The following UGT1A10 variants were observed in gnomAD, a reference collection of about 807,000 sequenced individuals.
UGT1A10 encodes UDP-glucuronosyltransferase 1A10.
UGT1A10 carries 49 observed loss-of-function variants against 45.8 expected under a neutral mutation model. The ratio of observed to expected loss-of-function variants is 1.07; its 90% CI spans 0.85 to 1.36. UGT1A10 has a LOEUF of 1.36. Ranked by LOEUF, UGT1A10 falls within the 40% of genes most tolerant of loss-of-function variation. The probability of loss-of-function intolerance (pLI) is 0.00; values close to 1 mark genes in which losing one functional copy is unlikely to be tolerated. For missense variants in UGT1A10, 745 were observed against 668.6 expected (o/e 1.11, Z -1.26); for synonymous variants, 284 against 249.7 (o/e 1.14, Z -1.29).
At chr2:233,678,991 T>C (rs945437915) in intron 1 of UGT1A10, among the ~76,000 whole-genome samples, 1 of 152,232 alleles carries the variant, frequency 6.6e-6, no homozygotes, top group Non-Finnish European at 1.5e-5. Context: ...GCTCTTTCTA[T>C]AATAACAGTG....
At chr2:233,757,745 C>T (rs1696711859) in intron 1 of UGT1A10, among the ~76,000 whole-genome samples, 1 of 151,332 alleles carries the variant, frequency 6.6e-6, no homozygotes. Context: ...GGGCACTGGA[C>T]ATGTTTATGT....
chr2:233,740,052 T>C (rs368597738), intron 1 of UGT1A10, among the ~76,000 whole-genome samples: 5 of 151,870 alleles, frequency 3.3e-5, no homozygotes, highest in African/African-American at 1.2e-4. Context: ...CTTTCTCCTT[T>C]ACTCACAAGC....
In UGT1A10 at chr2:233,729,406, C is replaced by T. The variant is rs761312102; in HGVS notation, c.856-37628C>T. 2.5e-6 allele frequency: 4 copies of T among 1,613,662 alleles called. No individual in the cohort carries two copies. The East Asian group carries it at 6.7e-5, about 27-fold the overall frequency. ...CCAGGATGAATTTGATCGCCATGTG[C>T]TGGGCCACACTCAACTGTACTTTGA... On this transcript the variant is annotated intron_variant, in intron 1 of 4. Coordinates refer to ENST00000344644, the MANE Select transcript of UGT1A10 (RefSeq NM_019075.4).
chr2:233,727,225 C>G (rs1417750017), intron 1 of UGT1A10, among the ~76,000 whole-genome samples: 1 of 152,168 alleles, frequency 6.6e-6, no homozygotes, highest in Non-Finnish European at 1.5e-5. Context: ...TCCACATATG[C>G]GGATGGCTCC....
chr2:233,772,368 G>C lies in UGT1A10; in HGVS notation c.1402G>C (p.Ala468Pro). Reference protein sequence around the residue: ...WVEFVMRHKGAPHLRPAAHDL... With the variant: ...WVEFVMRHKGPPHLRPAAHDL... Reference sequence around the variant, plus strand: ...GGAGTTTGTGATGAGGCACAAGGGCGCGCCACACCTGCGCCCCGCAGCCCA... The same window carrying C: ...GGAGTTTGTGATGAGGCACAAGGGCCCGCCACACCTGCGCCCCGCAGCCCA... Residue 468 changes from alanine (A) to proline (P), a missense_variant, in exon 5 of 5, where the codon GCG (alanine) becomes CCG (proline). Coordinates refer to ENST00000344644, the MANE Select transcript of UGT1A10 (RefSeq NM_019075.4). 6.2e-7 allele frequency: 1 copy of C among 1,614,220 alleles called. No homozygotes were observed. The highest frequency in any genetic ancestry group is 1.1e-5 in the South Asian group (1 of 91,078).
chr2:233,720,530 C>T (rs753695655), intron 1 of UGT1A10, among the ~76,000 whole-genome samples: 4 of 152,090 alleles, frequency 2.6e-5, no homozygotes, highest in Non-Finnish European at 5.9e-5. Context: ...TCACCAAACT[C>T]ACCCTATCCC....
At chr2:233,734,012 C>T (rs930293751) in intron 1 of UGT1A10, among the ~76,000 whole-genome samples, 5 of 151,904 alleles carry the variant, frequency 3.3e-5, no homozygotes, top group East Asian at 1.9e-4. Flanking sequence ...TGTTAAATGA[C>T]GAGTTAATGG....
chr2:233,764,474 A>G (rs1415490690), intron 1 of UGT1A10, among the ~76,000 whole-genome samples: 1 of 152,114 alleles, frequency 6.6e-6, no homozygotes, highest in East Asian at 1.9e-4. Context: ...CTGCTATTTA[A>G]CTTCGAATGT....
chr2:233,713,346 AAT>A (rs1283931554), intron 1 of UGT1A10: 3 of 1,614,220 alleles, frequency 1.9e-6, no homozygotes, highest in Non-Finnish European at 2.5e-6. Flanking sequence ...AATTATGAAC[AAT>A]ATGTCTTTGA....
At position 233,649,231 on chromosome 2, in the gene UGT1A10, G is replaced by C. The variant is rs139974672; in HGVS notation, c.855+11854G>C. Among the ~76,000 whole-genome samples, 542 of 152,254 alleles carry C rather than the reference G, an allele frequency of 3.6e-3. 12 individuals carry two copies. The highest frequency in any genetic ancestry group is 5.0e-3 in the East Asian group (26 of 5,188). On this transcript the variant is annotated intron_variant, in intron 1 of 4. Transcript: ENST00000344644. ...GTTAATATGTATGTGTATACGATTG[G>C]TTAATTGCTCATAATTTCCACTGCA...
At chr2:233,718,734 T>C (rs2076679363) in intron 1 of UGT1A10, 3 of 1,611,626 alleles carry the variant, frequency 1.9e-6, no homozygotes, top group Non-Finnish European at 2.5e-6. Context: ...GCTAGGTGGC[T>C]CAATGACAAG....
chr2:233,666,428 T>A (rs1171013271), intron 1 of UGT1A10, among the ~76,000 whole-genome samples: 2 of 152,340 alleles, frequency 1.3e-5, no homozygotes, highest in East Asian at 3.9e-4. Context: ...TTTAGTTTGA[T>A]TACCCTAATC....
chr2:233,718,896 G>T (rs763201473), intron 1 of UGT1A10: 1 of 1,614,046 alleles, frequency 6.2e-7, no homozygotes, highest in Non-Finnish European at 8.5e-7. Context: ...CCAGCCCTGG[G>T]CTGAGAGTGG....
intron 1 of UGT1A10, among the ~76,000 whole-genome samples, chr2:233,737,452 T>A (rs1303552589): frequency 6.6e-6 from 1 of 152,148 alleles, no homozygotes; most frequent in Non-Finnish European, 1.5e-5. Flanking sequence ...TTTTTCCAGG[T>A]ACAGTCTGTC....
chr2:233,763,154 G>A (rs1698249397), intron 1 of UGT1A10, among the ~76,000 whole-genome samples: 1 of 152,232 alleles, frequency 6.6e-6, no homozygotes, highest in Non-Finnish European at 1.5e-5. Flanking sequence ...AAAAGTCTAA[G>A]TGGTGAACTG....
intron 1 of UGT1A10, chr2:233,672,431 T>C (rs1368125646): frequency 1.2e-6 from 2 of 1,613,992 alleles, no homozygotes; most frequent in African/African-American, 1.3e-5. Flanking sequence ...CTCCCCTCCG[T>C]GGTCTTCGCC....
intron 1 of UGT1A10, chr2:233,671,932 C>T: frequency 6.2e-7 from 1 of 1,603,886 alleles, no homozygotes; most frequent in Non-Finnish European, 8.5e-7. Context: ...CTGCAGTTCT[C>T]TGATGGCTTG....
chr2:233,685,081 A>T (rs2074721609), intron 1 of UGT1A10, among the ~76,000 whole-genome samples: 1 of 152,106 alleles, frequency 6.6e-6, no homozygotes, highest in African/African-American at 2.4e-5. Context: ...TTTTTTTCTG[A>T]AAGGTTTCCT....
chr2:233,671,971 T>C (rs199516931), intron 1 of UGT1A10: 1 of 1,613,990 alleles, frequency 6.2e-7, no homozygotes, highest in Non-Finnish European at 8.5e-7. Context: ...CCTTCCTCTA[T>C]GTGTGTGTCT....
Sources: gnomAD v4.1 joint callset for allele counts (sites outside exome capture counted in the v4.1 genomes callset) on GRCh38, gnomAD v4.1.1 for gene constraint, MANE v1.5 for transcripts, NCBI Gene and HGNC (gene_info 2026-07-23, HGNC 2026-07-21) for gene names.